The following MCTP1 variants were observed in gnomAD, a reference collection of about 807,000 sequenced individuals.
MCTP1 encodes the protein multiple C2 and transmembrane domain-containing protein 1.
In MCTP1, 69 loss-of-function variants were observed where a neutral mutation model predicts 120.6. The ratio of observed to expected loss-of-function variants is 0.57; its 90% confidence interval spans 0.47 to 0.70. The LOEUF (loss-of-function observed/expected upper bound fraction) is 0.70, where lower values mean the gene tolerates loss of function less well. Among genes scored for constraint, MCTP1 ranks in the 30% least tolerant of loss-of-function variants. The pLI, the probability that MCTP1 is intolerant of heterozygous loss-of-function variation, is 0.00. For synonymous variants in MCTP1, 529 were observed against 493.1 expected (o/e 1.07, Z -0.96); for missense variants, 1,203 against 1,248.8 (o/e 0.96, Z 0.55).
chr5:94,918,801 G>A (rs929052407), intron 7 of MCTP1, among the ~76,000 whole-genome samples: 1 of 152,166 alleles, frequency 6.6e-6, no homozygotes, highest in African/African-American at 2.4e-5. Flanking sequence ...AACATTTATT[G>A]TGCAGCTATT....
At chr5:95,090,047 C>CT (rs1160034232) in intron 1 of MCTP1, among the ~76,000 whole-genome samples, 1 of 152,162 alleles carries the variant, frequency 6.6e-6, no homozygotes, top group Admixed American at 6.6e-5. Flanking sequence ...TTTCTTGCTG[C>CT]TCCTTTCATT....
chr5:94,916,029 T>C (rs1809968585), intron 8 of MCTP1, among the ~76,000 whole-genome samples: 1 of 152,108 alleles, frequency 6.6e-6, no homozygotes, highest in African/African-American at 2.4e-5. Context: ...ATTTAAAAAG[T>C]TTCAAAGATA....
At chr5:95,247,243 T>C (rs1756897405) in intron 1 of MCTP1, among the ~76,000 whole-genome samples, 1 of 152,174 alleles carries the variant, frequency 6.6e-6, no homozygotes, top group South Asian at 2.1e-4. Flanking sequence ...TGATGTCCCC[T>C]GTATCATTTT....
intron 1 of MCTP1, among the ~76,000 whole-genome samples, chr5:95,161,571 T>C (rs1268541071): frequency 6.6e-6 from 1 of 152,102 alleles, no homozygotes; most frequent in East Asian, 1.9e-4. Flanking sequence ...TACTTCAAAA[T>C]TGCTAAAAGA....
intron 10 of MCTP1, among the ~76,000 whole-genome samples, chr5:94,898,085 C>T (rs1397982616): frequency 2.6e-5 from 4 of 152,198 alleles, no homozygotes; most frequent in Non-Finnish European, 5.9e-5. Context: ...GAATATTATG[C>T]TTTTCTGTAA....
At chr5:94,960,024 A>G (rs1182075155) in intron 2 of MCTP1, among the ~76,000 whole-genome samples, 3 of 152,212 alleles carry the variant, frequency 2.0e-5, no homozygotes, top group Non-Finnish European at 4.4e-5. Flanking sequence ...AAGCTACACT[A>G]CAAGGCTACA....
chr5:94,812,546 C>T (rs1442200182), intron 17 of MCTP1, among the ~76,000 whole-genome samples: 1 of 149,084 alleles, frequency 6.7e-6, no homozygotes, highest in South Asian at 2.1e-4. Context: ...AAGATAAATT[C>T]AGGTGTATTT....
chr5:95,143,440 CAG>C (rs1472786785), intron 1 of MCTP1, among the ~76,000 whole-genome samples: 6 of 152,010 alleles, frequency 3.9e-5, no homozygotes, highest in African/African-American at 1.2e-4. Context: ...TTTTTTGATT[CAG>C]AGAGTACATG....
At chr5:95,224,554 C>T (rs950248316) in intron 1 of MCTP1, among the ~76,000 whole-genome samples, 1 of 145,748 alleles carries the variant, frequency 6.9e-6, no homozygotes, top group Non-Finnish European at 1.5e-5. Context: ...GTCCCCCAGG[C>T]TGGAATGCAG....
chr5:94,970,285 G>T (rs1358895147), intron 2 of MCTP1, among the ~76,000 whole-genome samples: 1 of 151,604 alleles, frequency 6.6e-6, no homozygotes, highest in Non-Finnish European at 1.5e-5. Flanking sequence ...GAATAATTTG[G>T]GATACATATG....
At chr5:94,911,056 C>G (rs965806313) in intron 9 of MCTP1, among the ~76,000 whole-genome samples, 2 of 152,148 alleles carry the variant, frequency 1.3e-5, no homozygotes, top group South Asian at 4.2e-4. Flanking sequence ...CTCCAATCAG[C>G]CTGCTAGCAA....
At chr5:95,019,410 A>G (rs994369261) in intron 1 of MCTP1, among the ~76,000 whole-genome samples, 2 of 151,876 alleles carry the variant, frequency 1.3e-5, no homozygotes, top group Admixed American at 6.6e-5. Flanking sequence ...TTTGGCCAAC[A>G]TCTCCTCTTT....
intron 1 of MCTP1, among the ~76,000 whole-genome samples, chr5:95,151,229 C>T (rs1760873231): frequency 6.7e-6 from 1 of 150,250 alleles, no homozygotes; most frequent in South Asian, 2.1e-4. Context: ...GGCAATCTGT[C>T]AGCTTTGGCC....
intron 19 of MCTP1, among the ~76,000 whole-genome samples, chr5:94,741,136 T>C (rs943021943): frequency 6.6e-6 from 1 of 152,180 alleles, no homozygotes; most frequent in Non-Finnish European, 1.5e-5. Flanking sequence ...CTGCAAACTG[T>C]GTGTAATGTG....
chr5:94,776,853 C>T lies in MCTP1; in HGVS notation c.2610+2257G>A, dbSNP rs116425591. ...CTGATAGCCAAGACGTAACATTTAC[C>T]GCTGTGAAAGCCTGTCGAGATGGAA... On this transcript the variant is annotated intron_variant, in intron 19 of 22. Transcript: ENST00000515393. Among the ~76,000 whole-genome samples the T allele has an allele frequency of 3.6e-3, 555 of 152,226 alleles. 4 individuals carry two copies. Among genetic ancestry groups the T allele is most frequent in the African/African-American group, 0.013 (533 of 41,536 alleles).
intron 2 of MCTP1, among the ~76,000 whole-genome samples, chr5:94,962,844 T>C (rs248655): frequency 0.83 from 125,792 of 151,988 alleles, 52,535 homozygotes; most frequent in African/African-American, 0.92. Context: ...CCAAATACCA[T>C]TTGTTCCCCA....
At chr5:95,021,014 T>C (rs1335022946) in intron 1 of MCTP1, among the ~76,000 whole-genome samples, 1 of 152,128 alleles carries the variant, frequency 6.6e-6, no homozygotes, top group East Asian at 1.9e-4. Flanking sequence ...CAAAAGCTTC[T>C]TGATTATTAT....
At chr5:94,783,161 A>G (rs1776929243) in intron 18 of MCTP1, among the ~76,000 whole-genome samples, 1 of 152,144 alleles carries the variant, frequency 6.6e-6, no homozygotes, top group Non-Finnish European at 1.5e-5. Flanking sequence ...AATAAAGATG[A>G]CATTTAAAAA....
chr5:94,836,024 CA>C (rs1044337185), intron 17 of MCTP1, among the ~76,000 whole-genome samples: 1 of 148,740 alleles, frequency 6.7e-6, no homozygotes, highest in African/African-American at 2.5e-5. Flanking sequence ...AACAAACAAA[CA>C]AAAAATTAGC....
Sources: gnomAD v4.1 joint callset for allele counts (sites outside exome capture counted in the v4.1 genomes callset) on GRCh38, gnomAD v4.1.1 for gene constraint, MANE v1.5 for transcripts, NCBI Gene and HGNC (gene_info 2026-07-23, HGNC 2026-07-21) for gene names.